The following SCAI variants were observed in gnomAD, a reference collection of about 807,000 sequenced individuals.
The protein encoded by SCAI is suppressor of cancer cell invasion.
SCAI carries 24 observed loss-of-function variants against 92.2 expected under a neutral mutation model. The ratio of observed to expected loss-of-function variants is 0.26; its 90% CI spans 0.19 to 0.37. The LOEUF (loss-of-function observed/expected upper bound fraction) is 0.37, where lower values mean the gene tolerates loss of function less well. SCAI is among the 10% of genes least tolerant of loss of function. The pLI is 1.00. For synonymous variants in SCAI, 261 were observed against 258.6 expected (o/e 1.01, Z -0.09); for missense variants, 450 against 736.2 (o/e 0.61, Z 4.50).
chr9:125,011,145 T>C (rs10819024), intron 9 of SCAI, among the ~76,000 whole-genome samples: 63,739 of 148,416 alleles, frequency 0.43, 12,035 homozygotes, highest in African/African-American at 0.53. Context: ...GCCAAAGGAA[T>C]GCAGCTCCTC....
At chr9:125,004,552 C>T (rs1832434224) in intron 9 of SCAI, among the ~76,000 whole-genome samples, 1 of 150,564 alleles carries the variant, frequency 6.6e-6, no homozygotes, top group Non-Finnish European at 1.5e-5. Flanking sequence ...TGGTCTCAAA[C>T]TCCTGACCTC....
chr9:125,075,715 G>A (rs917521532), intron 2 of SCAI, among the ~76,000 whole-genome samples: 3 of 152,034 alleles, frequency 2.0e-5, no homozygotes, highest in African/African-American at 7.2e-5. Flanking sequence ...ACAGGCATGT[G>A]CCACCATGCC....
intron 2 of SCAI, among the ~76,000 whole-genome samples, chr9:125,100,800 TGAA>T (rs1270337427): frequency 2.0e-5 from 3 of 151,898 alleles, no homozygotes; most frequent in African/African-American, 7.3e-5. Context: ...AAAAATAACT[TGAA>T]GGAGGTGAAA....
chr9:125,058,122 T>A (rs981078628), intron 2 of SCAI, among the ~76,000 whole-genome samples: 10 of 152,082 alleles, frequency 6.6e-5, no homozygotes, highest in African/African-American at 2.4e-4. Flanking sequence ...AATTCTTTTT[T>A]AAAAAAGATT....
At chr9:125,036,745 C>G (rs1035151958) in intron 3 of SCAI, among the ~76,000 whole-genome samples, 2 of 152,098 alleles carry the variant, frequency 1.3e-5, no homozygotes, top group Non-Finnish European at 2.9e-5. Flanking sequence ...TTGTGAAGAC[C>G]TTTATTTACT....
rs1488432229 is a variant in SCAI at position 125,004,758 on chromosome 9, TATATATATATATATATATA to T, written c.862-1207_862-1189del. 4.1e-3 allele frequency among the ~76,000 whole-genome samples: 41 copies of T among 10,026 alleles called. 1 individual carries two copies. Among genetic ancestry groups the T allele is most frequent in the East Asian group, 0.011 (6 of 562 alleles). The allele number at this position is 10,026 out of a possible 152,430, so 6.6% of individuals were successfully genotyped here. On this transcript the variant is annotated intron_variant, in intron 9 of 17. Transcript: ENST00000336505. ...CCATATATATATATATATATATATA[TATATATATATATATATATA>T]TATTTTTTTTTTTTTTTTTTTTTTT...
At chr9:125,042,634 TACACACACACACACAC>T (rs1554783862) in intron 3 of SCAI, among the ~76,000 whole-genome samples, 2 of 96,192 alleles carry the variant, frequency 2.1e-5, no homozygotes, top group Non-Finnish European at 4.0e-5. Context: ...TGTGTGTGTG[TACACACACACACACAC>T]ACACACACAC....
At chr9:125,066,460 A>AT (rs372205559) in intron 2 of SCAI, among the ~76,000 whole-genome samples, 1,720 of 138,432 alleles carry the variant, frequency 0.012, 45 homozygotes, top group African/African-American at 0.04. Context: ...TTATTTATTT[A>AT]TTTATTTTTT....
chr9:125,003,380 G>T, intron 10 of SCAI, 89 bp downstream of exon 10: 2 of 1,033,196 alleles, frequency 1.9e-6, no homozygotes, highest in South Asian at 1.3e-5. Context: ...TTTATTCAAG[G>T]CTGTAGTATC....
In SCAI at chr9:125,143,441, G is replaced by A; in HGVS notation, c.-4C>T. 2 of 1,368,004 alleles carry A rather than the reference G, an allele frequency of 1.5e-6. No homozygotes were observed. Among genetic ancestry groups the A allele is most frequent in the South Asian group, 1.6e-5 (1 of 61,372 alleles). 84.7% of individuals were successfully genotyped at this position (1,368,004 alleles called of 1,614,324 possible). A position where few individuals can be genotyped will look rare whatever the true frequency, so the allele number is the denominator to read the frequency against. ...GCTGCCGGGCTCCTCTGACCATCCG[G>A]CTCCTGCTCCGCCGCGGGAGCTGCT... On this transcript the variant is annotated 5_prime_UTR_variant, in exon 1 of 18. Coordinates refer to ENST00000336505, the MANE Select transcript of SCAI (RefSeq NM_001144877.3).
chr9:125,018,749 C>A, intron 9 of SCAI, 50 bp downstream of exon 9: 2 of 1,434,566 alleles, frequency 1.4e-6, no homozygotes, highest in Non-Finnish European at 9.6e-7. Context: ...TCATCAATAG[C>A]ACTATTTTTC....
intron 2 of SCAI, among the ~76,000 whole-genome samples, chr9:125,057,675 G>C (rs1833696528): frequency 6.6e-6 from 1 of 152,254 alleles, no homozygotes; most frequent in Non-Finnish European, 1.5e-5. Flanking sequence ...GCCGAGTGTG[G>C]AGGAGGAGGA....
chr9:125,087,979 T>C (rs1834357947), intron 2 of SCAI, among the ~76,000 whole-genome samples: 1 of 152,208 alleles, frequency 6.6e-6, no homozygotes, highest in African/African-American at 2.4e-5. Flanking sequence ...TTCATGATTG[T>C]TGAAGTTAGG....
intron 9 of SCAI, among the ~76,000 whole-genome samples, chr9:125,008,002 T>G (rs867006628): frequency 6.6e-6 from 1 of 151,882 alleles, no homozygotes; most frequent in Non-Finnish European, 1.5e-5. Context: ...CCCGCCACCA[T>G]GCCCGGCTAA....
chr9:125,027,494 T>C (rs993976999), intron 5 of SCAI, among the ~76,000 whole-genome samples: 12 of 152,142 alleles, frequency 7.9e-5, no homozygotes, highest in South Asian at 2.1e-4. Context: ...AGAAGTTTTA[T>C]TGCCTTTTCT....
At chr9:124,982,173 G>A (rs1287821442) in intron 14 of SCAI, among the ~76,000 whole-genome samples, 3 of 152,108 alleles carry the variant, frequency 2.0e-5, no homozygotes, top group Admixed American at 2.0e-4. Flanking sequence ...AACTACGCTA[G>A]GCTTCATAGA....
At chr9:125,110,432 G>A (rs372579195) in intron 2 of SCAI, among the ~76,000 whole-genome samples, 12 of 152,168 alleles carry the variant, frequency 7.9e-5, no homozygotes, top group African/African-American at 2.9e-4. Context: ...ATCACTTGAG[G>A]CCAGGAGTTC....
At chr9:125,114,296 G>C (rs1333673150) in intron 2 of SCAI, among the ~76,000 whole-genome samples, 1 of 152,106 alleles carries the variant, frequency 6.6e-6, no homozygotes, top group Non-Finnish European at 1.5e-5. Flanking sequence ...TACAGGAAAA[G>C]AGCTGATGGT....
chr9:124,995,693 A>G (rs117949004), intron 13 of SCAI, among the ~76,000 whole-genome samples: 4,759 of 151,994 alleles, frequency 0.031, 194 homozygotes, highest in Admixed American at 0.091. Context: ...GTTTCTCCAT[A>G]TTGCCCAGGC....
Sources: gnomAD v4.1 joint callset for allele counts (sites outside exome capture counted in the v4.1 genomes callset) on GRCh38, gnomAD v4.1.1 for gene constraint, MANE v1.5 for transcripts, NCBI Gene and HGNC (gene_info 2026-07-23, HGNC 2026-07-21) for gene names.